Variants in PPP2R3B observed in about 807,000 individuals in gnomAD.
PPP2R3B encodes serine/threonine-protein phosphatase 2A regulatory subunit B'' subunit beta.
PPP2R3B carries 68 observed loss-of-function variants against 72.9 expected under a neutral mutation model. The observed-to-expected ratio is 0.93, with a 90% CI of 0.77 to 1.14. The LOEUF is 1.14. Among genes scored for constraint, PPP2R3B ranks in the 50% most tolerant of loss-of-function variants. The probability of loss-of-function intolerance (pLI) is 0.00; values close to 1 mark genes in which losing one functional copy is unlikely to be tolerated. For synonymous variants in PPP2R3B, 466 were observed against 375.8 expected, an observed-to-expected ratio of 1.24 and a Z score of -2.78; for missense variants, 1,018 against 842.0, an observed-to-expected ratio of 1.21 and a Z score of -2.59.
chrX:345,461 G>C (rs1174084001), intron 7 of PPP2R3B, 55 bp downstream of exon 7: 2 of 1,608,052 alleles, frequency 1.2e-6, no homozygotes, highest in South Asian at 1.1e-5. Flanking sequence ...CAGGCCCTGA[G>C]AGAAGGGTGT....
At chrX:334,573 G>T in intron 12 of PPP2R3B, 56 bp from the exon 13 acceptor site, 1 of 1,397,192 alleles carries the variant, frequency 7.2e-7, no homozygotes, top group African/African-American at 1.5e-5. Flanking sequence ...GCCCTGGGCC[G>T]TTTTCCGGGA....
At position 347,606 on chromosome X, in the gene PPP2R3B, C is replaced by T. The variant is rs759326365; in HGVS notation, c.598G>A (p.Val200Ile). The T allele has an allele frequency of 1.1e-5, 17 of 1,579,246 alleles. No homozygotes were observed. The highest frequency in any genetic ancestry group is 4.6e-5 in the East Asian group (2 of 43,488). ...RTGSVSVHKFVAMWRKILQNC... is the reference protein window; with the variant it reads ...RTGSVSVHKFIAMWRKILQNC... Reference sequence around the variant, plus strand: ...AGGACTCACTTTCTCCACATGGCGACGAACTTGTGGACGGACACGGAGCCC... The same window carrying T: ...AGGACTCACTTTCTCCACATGGCGATGAACTTGTGGACGGACACGGAGCCC... Residue 200 changes from valine to isoleucine, a missense_variant, in exon 3 of 13, where the codon GTC becomes ATC. Coordinates refer to ENST00000390665, the MANE Select transcript of PPP2R3B (RefSeq NM_013239.5).
chrX:352,540 C>T (rs2071352847), intron 2 of PPP2R3B, among the ~76,000 whole-genome samples: 1 of 151,680 alleles, frequency 6.6e-6, no homozygotes, highest in African/African-American at 2.4e-5. Flanking sequence ...ATCGTCTGCC[C>T]ACCTTGCTCT....
chrX:356,689 G>A (rs1202471329), intron 2 of PPP2R3B, among the ~76,000 whole-genome samples: 1 of 152,174 alleles, frequency 6.6e-6, no homozygotes, highest in Non-Finnish European at 1.5e-5. Context: ...GCAACCAGAC[G>A]TCTATCAACC....
intron 1 of PPP2R3B, among the ~76,000 whole-genome samples, chrX:385,419 C>T (rs1262667155): frequency 6.8e-6 from 1 of 146,598 alleles, no homozygotes; most frequent in Non-Finnish European, 1.5e-5. Flanking sequence ...ATTCTCCTGC[C>T]TCAGCCTCCC....
At chrX:346,086 A>AGGAGGGAG in intron 6 of PPP2R3B, 88 bp downstream of exon 6, 1 of 569,444 alleles carries the variant, frequency 1.8e-6, no homozygotes, top group Non-Finnish European at 2.9e-6. Context: ...GGAGGGGAGG[A>AGGAGGGAG]GGGAGGGGGG....
intron 1 of PPP2R3B, among the ~76,000 whole-genome samples, chrX:370,901 G>A (rs1431811940): frequency 6.6e-6 from 1 of 152,220 alleles, no homozygotes; most frequent in African/African-American, 2.4e-5. Context: ...AGCCATGCGT[G>A]GTGCCGTGTA....
chrX:341,811 G>GC (rs2071084698), intron 8 of PPP2R3B, 72 bp downstream of exon 8: 1 of 1,531,416 alleles, frequency 6.5e-7, no homozygotes, highest in Admixed American at 1.7e-5. Context: ...CTCACGTCAG[G>GC]CAACGATGAG....
chrX:346,531 C>G (rs2071218014), intron 5 of PPP2R3B, 170 bp downstream of exon 5: 1 of 688,260 alleles, frequency 1.5e-6, no homozygotes, highest in Admixed American at 3.0e-5. Context: ...AGAGTCCCCC[C>G]AACACCGGGC....
chrX:370,341 G>C lies in PPP2R3B; in HGVS notation c.325-8751C>G, dbSNP rs190576393. 2.0e-5 allele frequency among the ~76,000 whole-genome samples: 3 copies of C among 152,182 alleles called. No homozygotes were observed. The East Asian group carries it at 5.8e-4, about 29-fold the overall frequency. ...TGCAGCCGAGCAACCGGGCCTCAAC[G>C]GACGCTGAGAGACGTCGGCTGGGGC... On this transcript the variant is annotated intron_variant, in intron 1 of 12. Transcript: ENST00000390665.
intron 12 of PPP2R3B, chrX:334,902 A>C: frequency 5.2e-6 from 1 of 192,312 alleles, no homozygotes; most frequent in East Asian, 1.2e-4. Flanking sequence ...CATTCTCCCA[A>C]AGCACAGAAG....
intron 2 of PPP2R3B, among the ~76,000 whole-genome samples, chrX:348,926 C>T (rs1252750826): frequency 7.2e-5 from 11 of 152,206 alleles, no homozygotes; most frequent in South Asian, 2.1e-4. Flanking sequence ...ACAGCCTGGA[C>T]GCGGTCAGGG....
intron 1 of PPP2R3B, among the ~76,000 whole-genome samples, chrX:365,197 A>G (rs1429877345): frequency 1.5e-3 from 82 of 54,236 alleles, no homozygotes; most frequent in Non-Finnish European, 2.4e-3. Context: ...TGGGCGACAG[A>G]GTGAGACTCT....
intron 1 of PPP2R3B, among the ~76,000 whole-genome samples, chrX:364,585 G>GCTC (rs1341899290): frequency 6.8e-6 from 1 of 146,704 alleles, no homozygotes; most frequent in African/African-American, 2.5e-5. Flanking sequence ...GGGTGTGGTG[G>GCTC]AGGGTGCCTG....
intron 1 of PPP2R3B, among the ~76,000 whole-genome samples, chrX:362,810 C>T (rs2071569405): frequency 6.6e-6 from 1 of 152,098 alleles, no homozygotes; most frequent in African/African-American, 2.4e-5. Context: ...AGGACCCTCA[C>T]CCCAGGTCAC....
At chrX:373,521 G>A (rs763108178) in intron 1 of PPP2R3B, 2,020 of 173,866 alleles carry the variant, frequency 0.012, 41 homozygotes, top group African/African-American at 0.045. Context: ...CGCGGGGCGC[G>A]CGGGGCTGAC....
chrX:357,938 C>T (rs1220491413), intron 2 of PPP2R3B, among the ~76,000 whole-genome samples: 1 of 152,194 alleles, frequency 6.6e-6, no homozygotes, highest in Non-Finnish European at 1.5e-5. Flanking sequence ...CACACACGGA[C>T]CTCGCTGCAC....
chrX:380,786 C>CAAAAAAA (rs1054118917), intron 1 of PPP2R3B, among the ~76,000 whole-genome samples: 2 of 53,130 alleles, frequency 3.8e-5, no homozygotes, highest in African/African-American at 7.4e-5. Context: ...AACTCCATCT[C>CAAAAAAA]AAAAAAAAAA....
chrX:386,532 G>A lies in PPP2R3B; in HGVS notation c.160C>T (p.Gln54Ter). ...GGGGCTGTGGGCCAGGCCCCGGGCT[G>A]CTCCCCGTCCCCCGGGGTCGGCTGG... ...RDQPTPGDGEQPGAWPTAPLA... is the reference protein window; with the variant it reads ...RDQPTPGDGE The change falls in exon 1 of 13, where the codon CAG becomes TAG. Residue 54 changes from glutamine (Q) to a stop codon, truncating the protein, a stop_gained. Coordinates refer to ENST00000390665, the MANE Select transcript of PPP2R3B (RefSeq NM_013239.5). LOFTEE classifies it high-confidence loss of function. 7.0e-7 allele frequency: 1 copy of A among 1,427,794 alleles called. No homozygotes were observed. The highest frequency in any genetic ancestry group is 1.4e-5 in the South Asian group (1 of 73,160). The allele number at this position is 1,427,794 out of a possible 1,614,324, so 88.4% of individuals were successfully genotyped here. A position where few individuals can be genotyped will look rare whatever the true frequency, so the allele number is the denominator to read the frequency against.
Sources: gnomAD v4.1 joint callset for allele counts (sites outside exome capture counted in the v4.1 genomes callset) on GRCh38, gnomAD v4.1.1 for gene constraint, MANE v1.5 for transcripts, NCBI Gene and HGNC (gene_info 2026-07-23, HGNC 2026-07-21) for gene names.